The following PATJ variants were observed in gnomAD, a reference collection of about 807,000 sequenced individuals.
The protein encoded by PATJ is PATJ crumbs cell polarity complex component.
PATJ carries 190 observed loss-of-function variants against 224.9 expected under a neutral mutation model. The ratio of observed to expected loss-of-function variants is 0.84; its 90% CI spans 0.75 to 0.95. PATJ has a LOEUF of 0.95. Ranked by LOEUF, PATJ falls within the 40% of genes least tolerant of loss-of-function variation. PATJ has a pLI of 0.00. For synonymous variants in PATJ, 769 were observed against 820.3 expected (o/e 0.94, Z 1.07); for missense variants, 2,121 against 2,270.3 (o/e 0.93, Z 1.34).
At chr1:61,861,284 C>CTTTTTTTTTTTT in intron 18 of PATJ, among the ~76,000 whole-genome samples, 2,515 of 48,216 alleles carry the variant, frequency 0.052, 234 homozygotes, top group Non-Finnish European at 0.079. Context: ...TTCTTTCTTT[C>CTTTTTTTTTTTT]TTTTTTTTTT....
intron 27 of PATJ, among the ~76,000 whole-genome samples, chr1:61,945,736 TCTC>T (rs1678595965): frequency 6.6e-6 from 1 of 152,112 alleles, no homozygotes; most frequent in South Asian, 2.1e-4. Flanking sequence ...TCTACAGAAC[TCTC>T]CACCCCAAAT....
chr1:61,934,166 T>C (rs1676473580), intron 27 of PATJ, among the ~76,000 whole-genome samples: 1 of 152,182 alleles, frequency 6.6e-6, no homozygotes, highest in Admixed American at 6.5e-5. Context: ...TTGCCCAGGC[T>C]AGAGTGCAGT....
At chr1:61,880,320 GCT>G (rs1200378654) in intron 21 of PATJ, among the ~76,000 whole-genome samples, 2 of 152,228 alleles carry the variant, frequency 1.3e-5, no homozygotes, top group Non-Finnish European at 2.9e-5. Context: ...AGTAGTGGGT[GCT>G]CTATAAACAT....
At chr1:62,000,668 G>T (rs1358339886) in intron 28 of PATJ, among the ~76,000 whole-genome samples, 1 of 150,704 alleles carries the variant, frequency 6.6e-6, no homozygotes, top group African/African-American at 2.5e-5. Context: ...ACGTGTGCAT[G>T]TGTCTTTATA....
chr1:62,114,178 G>A lies in PATJ; in HGVS notation c.4587G>A (p.Leu1529=). The change falls in exon 35 of 44, where the codon TTG becomes TTA. Residue 1529 remains leucine (L), a synonymous_variant. Coordinates refer to ENST00000642238, the MANE Select transcript of PATJ (RefSeq NM_001350145.3). ...DEAHYRDEEN[L]EIFPVDLQKK... ...CACACTACCGGGATGAGGAGAACTTGGAGATTTTCCCTGTGGATCTGCAGA... is the reference window on the plus strand; with the variant it reads ...CACACTACCGGGATGAGGAGAACTTAGAGATTTTCCCTGTGGATCTGCAGA... 6.2e-7 allele frequency: 1 copy of A among 1,614,158 alleles called. No individual in the cohort carries two copies. Among genetic ancestry groups the A allele is most frequent in the Non-Finnish European group, 8.5e-7 (1 of 1,180,002 alleles).
At chr1:62,069,691 G>A (rs543560767) in intron 31 of PATJ, among the ~76,000 whole-genome samples, 3 of 152,178 alleles carry the variant, frequency 2.0e-5, no homozygotes, top group South Asian at 4.1e-4. Context: ...ACACCTTCAC[G>A]CATCTACCAT....
At chr1:61,957,710 C>CA (rs1571501510) in intron 27 of PATJ, among the ~76,000 whole-genome samples, 2 of 152,246 alleles carry the variant, frequency 1.3e-5, no homozygotes, top group East Asian at 3.9e-4. Flanking sequence ...TTTCAAACTA[C>CA]AAAAAACCAG....
intron 27 of PATJ, among the ~76,000 whole-genome samples, chr1:61,943,371 G>A (rs990937133): frequency 2.0e-5 from 3 of 152,178 alleles, no homozygotes; most frequent in Non-Finnish European, 4.4e-5. Flanking sequence ...GAGGGTACCT[G>A]GAAAATCGGG....
chr1:61,833,662 C>A lies in PATJ; in HGVS notation c.1989C>A (p.His663Gln), dbSNP rs1467193684. Residue 663 changes from histidine to glutamine, a missense_variant, in exon 17 of 44, where the codon CAC (histidine) becomes CAA (glutamine). Transcript: ENST00000642238. ...CTTCTTTGGTATTTCAGGTTGACCA[C>A]AATATGGATGTCAATACTGAAGAAG... ...ETSLPETEVD[H>Q]NMDVNTEEDD... 7 of 1,610,926 alleles carry A rather than the reference C, an allele frequency of 4.3e-6. No homozygotes were observed. The highest frequency in any genetic ancestry group is 5.9e-6 in the Non-Finnish European group (7 of 1,178,740).
At chr1:62,103,061 C>T (rs1465670632) in intron 33 of PATJ, among the ~76,000 whole-genome samples, 1 of 152,006 alleles carries the variant, frequency 6.6e-6, no homozygotes, top group African/African-American at 2.4e-5. Context: ...TCTTTTTGTT[C>T]ACTCTCTGTA....
Position 62,108,344 on chromosome 1 carries a change from A to G in PATJ, c.4378-93A>G, listed in dbSNP as rs117645320. On this transcript the variant is annotated intron_variant, in intron 33 of 43. Coordinates refer to ENST00000642238, the MANE Select transcript of PATJ (RefSeq NM_001350145.3). ...TGTCAGATAAAATATAACATTATTA[A>G]CAAATAGAAAATTATGGGTTGCTGC... 3,383 of 589,350 alleles carry G rather than the reference A, an allele frequency of 5.7e-3. 112 individuals carry two copies. The Admixed American group carries it at 0.063, about 11-fold the overall frequency. The allele number at this position is 589,350 out of a possible 1,614,324, so 36.5% of individuals were successfully genotyped here.
rs147913647 is a variant in PATJ at position 61,946,870 on chromosome 1, C to T, written c.3670+19041C>T. On this transcript the variant is annotated intron_variant, in intron 27 of 43. Transcript: ENST00000642238. The stretch of plus-strand genomic sequence containing the variant: ...AGCACATCAAAAAGCTTATCCACCA[C>T]AATCAAGTTGGCCTCATCCTTGGGA... 3.0e-3 allele frequency among the ~76,000 whole-genome samples: 461 copies of T among 152,300 alleles called. 1 individual carries two copies. The highest frequency in any genetic ancestry group is 0.011 in the African/African-American group (440 of 41,574).
chr1:62,091,590 A>G (rs1034058323), intron 33 of PATJ, among the ~76,000 whole-genome samples: 1 of 152,206 alleles, frequency 6.6e-6, no homozygotes, highest in Admixed American at 6.5e-5. Context: ...GTTCCTAGAC[A>G]ATTGCATATT....
At chr1:62,097,364 T>G (rs1175463397) in intron 33 of PATJ, among the ~76,000 whole-genome samples, 1 of 152,198 alleles carries the variant, frequency 6.6e-6, no homozygotes, top group Non-Finnish European at 1.5e-5. Context: ...CTTTCCAGAT[T>G]CCTTGAATCC....
At chr1:61,994,249 C>G (rs774612412) in intron 28 of PATJ, among the ~76,000 whole-genome samples, 1 of 151,482 alleles carries the variant, frequency 6.6e-6, no homozygotes, top group Admixed American at 6.6e-5. Context: ...TGCTGGTGAA[C>G]AAAATACATA....
intron 29 of PATJ, among the ~76,000 whole-genome samples, chr1:62,025,730 A>G (rs911997927): frequency 2.6e-5 from 4 of 152,206 alleles, no homozygotes; most frequent in African/African-American, 9.6e-5. Context: ...GACGGAGGCA[A>G]GAGAATCACT....
intron 28 of PATJ, among the ~76,000 whole-genome samples, chr1:62,006,395 C>T (rs1037007982): frequency 2.0e-5 from 3 of 152,188 alleles, no homozygotes; most frequent in East Asian, 1.9e-4. Flanking sequence ...GGAGTACAGG[C>T]GTGAGCCACC....
At chr1:61,908,314 A>C in intron 24 of PATJ, 58 bp from the exon 25 acceptor site, 1 of 1,139,140 alleles carries the variant, frequency 8.8e-7, no homozygotes, top group Non-Finnish European at 1.3e-6. Flanking sequence ...ACTTTGAATT[A>C]ACCTGTCCAC....
chr1:61,871,423 GTACATA>G (rs1229935541), intron 20 of PATJ, among the ~76,000 whole-genome samples: 9 of 47,518 alleles, frequency 1.9e-4, no homozygotes, highest in African/African-American at 7.0e-4. Flanking sequence ...ACATATATAT[GTACATA>G]TATATGTGTA....
Sources: gnomAD v4.1 joint callset for allele counts (sites outside exome capture counted in the v4.1 genomes callset) on GRCh38, gnomAD v4.1.1 for gene constraint, MANE v1.5 for transcripts, NCBI Gene and HGNC (gene_info 2026-07-23, HGNC 2026-07-21) for gene names.